The following SFT2D2 variants were observed in gnomAD, a reference collection of about 807,000 sequenced individuals.
The protein encoded by SFT2D2 is SFT2 domain containing 2.
In SFT2D2, 21 loss-of-function variants were observed where a neutral mutation model predicts 27.4. That is an observed-to-expected ratio of 0.77 (90% CI 0.54 to 1.10). The LOEUF (loss-of-function observed/expected upper bound fraction) is 1.10. Among genes scored for constraint, SFT2D2 ranks in the 50% least tolerant of loss-of-function variants. The pLI, the probability that SFT2D2 is intolerant of heterozygous loss-of-function variation, is 0.00. For synonymous variants in SFT2D2, 72 were observed against 71.7 expected, an observed-to-expected ratio of 1.00 and a Z score of -0.02; for missense variants, 187 against 194.2, an observed-to-expected ratio of 0.96 and a Z score of 0.22.
rs559231235 is a variant in SFT2D2 at position 168,243,417 on chromosome 1, C to G, written c.*877C>G. Reference sequence around the variant, plus strand: ...TTAAACTGATTTTATTTTCCATTCTCCCCTGGAGTTGGGCCAGGGGAGAGT... The same window carrying G: ...TTAAACTGATTTTATTTTCCATTCTGCCCTGGAGTTGGGCCAGGGGAGAGT... On this transcript the variant is annotated 3_prime_UTR_variant, in exon 8 of 8. Coordinates refer to ENST00000271375, the MANE Select transcript of SFT2D2 (RefSeq NM_199344.3). 1 of 152,062 alleles carries G rather than the reference C, an allele frequency of 6.6e-6. No individual in the cohort carries two copies. Among genetic ancestry groups the G allele is most frequent in the Admixed American group, 6.5e-5 (1 of 15,280 alleles). The allele number at this position is 152,062 out of a possible 1,614,324, so 9.4% of individuals were successfully genotyped here.
At chr1:168,229,961 T>G (rs745962366) in intron 1 of SFT2D2, among the ~76,000 whole-genome samples, 10 of 152,200 alleles carry the variant, frequency 6.6e-5, no homozygotes, top group Non-Finnish European at 1.2e-4. Flanking sequence ...ATCTTAACAC[T>G]GGGCCCCTGC....
rs889091750 is a variant in SFT2D2 at position 168,243,753 on chromosome 1, G to C, written c.*1213G>C. On this transcript the variant is annotated 3_prime_UTR_variant, in exon 8 of 8. Coordinates refer to ENST00000271375, the MANE Select transcript of SFT2D2 (RefSeq NM_199344.3). ...AGCTTCAGCCTCCTTCATGACCCCA[G>C]AGTTTCCTGGCCTGTTTCTGGTTGT... The C allele has an allele frequency of 6.5e-6, 1 of 152,850 alleles. No homozygotes were observed. Among genetic ancestry groups the C allele is most frequent in the Admixed American group, 6.5e-5 (1 of 15,284 alleles). 9.5% of individuals were successfully genotyped at this position (152,850 alleles called of 1,614,324 possible). A position where few individuals can be genotyped will look rare whatever the true frequency, so the allele number is the denominator to read the frequency against.
In SFT2D2 at chr1:168,247,094, T is replaced by C. The variant is rs1221263468; in HGVS notation, c.*4554T>C. ...ATTTCTTTTTTTTCAGATAGTCTCT[T>C]TTGTAGTACACTAGTCTTTTTCATT... On this transcript the variant is annotated 3_prime_UTR_variant, in exon 8 of 8. Transcript: ENST00000271375. The C allele has an allele frequency of 2.6e-6, 1 of 380,382 alleles. No homozygotes were observed. Among genetic ancestry groups the C allele is most frequent in the African/African-American group, 2.1e-5 (1 of 46,902 alleles). 23.6% of individuals were successfully genotyped at this position (380,382 alleles called of 1,614,324 possible). A position where few individuals can be genotyped will look rare whatever the true frequency, so the allele number is the denominator to read the frequency against.
At position 168,245,826 on chromosome 1, in the gene SFT2D2, G is replaced by A. The variant is rs1443091511; in HGVS notation, c.*3286G>A. On this transcript the variant is annotated 3_prime_UTR_variant, in exon 8 of 8. Transcript: ENST00000271375. ...CTTGAACTTCGCAGGATTTTCTGAAGCTGCTCAATTTGGCCATCTTGCTTT... is the reference window on the plus strand; with the variant it reads ...CTTGAACTTCGCAGGATTTTCTGAAACTGCTCAATTTGGCCATCTTGCTTT... 1 of 152,634 alleles carries A rather than the reference G, an allele frequency of 6.6e-6. No homozygotes were observed. The highest frequency in any genetic ancestry group is 1.5e-5 in the Non-Finnish European group (1 of 68,292). 9.5% of individuals were successfully genotyped at this position (152,634 alleles called of 1,614,324 possible). A position where few individuals can be genotyped will look rare whatever the true frequency, so the allele number is the denominator to read the frequency against.
chr1:168,234,915 C>T lies in SFT2D2; in HGVS notation c.237-186C>T, dbSNP rs140433300. Among the ~76,000 whole-genome samples the T allele has an allele frequency of 6.3e-3, 956 of 152,244 alleles. 7 individuals are homozygous for T. The highest frequency in any genetic ancestry group is 0.021 in the African/African-American group (854 of 41,538). ...TGTGGGCTTTGGTGTGGTAATTGTT[C>T]CTACTTTATAGGTTGGTTGTTGATG... On this transcript the variant is annotated intron_variant, in intron 3 of 7. Transcript: ENST00000271375.
intron 1 of SFT2D2, among the ~76,000 whole-genome samples, chr1:168,228,190 T>C (rs1012790940): frequency 3.3e-5 from 5 of 152,342 alleles, no homozygotes; most frequent in African/African-American, 1.2e-4. Flanking sequence ...TTGCAGGCTG[T>C]TTCAGCTTAG....
chr1:168,240,124 G>A (rs371184534), intron 7 of SFT2D2, among the ~76,000 whole-genome samples: 18 of 148,222 alleles, frequency 1.2e-4, no homozygotes, highest in Non-Finnish European at 1.5e-5. Context: ...GCAGTGAGTC[G>A]AGATGGCGCC....
At chr1:168,235,317 A>C (rs1037080459) in intron 4 of SFT2D2, 135 bp downstream of exon 4, 15 of 833,870 alleles carry the variant, frequency 1.8e-5, no homozygotes, top group Non-Finnish European at 2.8e-5. Context: ...TCCTATAACC[A>C]TGTGGCAGAA....
Position 168,246,809 on chromosome 1 carries a change from T to A in SFT2D2, c.*4269T>A. On this transcript the variant is annotated 3_prime_UTR_variant, in exon 8 of 8. Transcript: ENST00000271375. ...CAGTAAGCTGTCCACTATAATGGGC[T>A]ATCGTTTTTGTTGATTTTTCCCCAT... 1 of 673,488 alleles carries A rather than the reference T, an allele frequency of 1.5e-6. No individual in the cohort carries two copies. The highest frequency in any genetic ancestry group is 2.6e-6 in the Non-Finnish European group (1 of 383,654). The allele number at this position is 673,488 out of a possible 1,614,324, so 41.7% of individuals were successfully genotyped here.
intron 7 of SFT2D2, 125 bp downstream of exon 7, chr1:168,239,285 A>C (rs1250104676): frequency 1.2e-5 from 8 of 687,992 alleles, no homozygotes; most frequent in Non-Finnish European, 2.0e-5. Flanking sequence ...AATACTATAC[A>C]TCTCATTTAT....
At chr1:168,235,839 TGAA>T (rs988330849) in intron 4 of SFT2D2, among the ~76,000 whole-genome samples, 1 of 152,230 alleles carries the variant, frequency 6.6e-6, no homozygotes, top group African/African-American at 2.4e-5. Context: ...ATTTGGAACT[TGAA>T]GAACATACTT....
rs1228037168 is a variant in SFT2D2 at position 168,246,986 on chromosome 1, C to G, written c.*4446C>G. On this transcript the variant is annotated 3_prime_UTR_variant, in exon 8 of 8. Transcript: ENST00000271375. The stretch of plus-strand genomic sequence containing the variant: ...CTTGCATCAAATGGTTTTTATGCAA[C>G]AGGTCTTCTTCTTTTTCATGACTAT... 1 of 578,816 alleles carries G rather than the reference C, an allele frequency of 1.7e-6. No individual in the cohort carries two copies. Among genetic ancestry groups the G allele is most frequent in the Non-Finnish European group, 3.2e-6 (1 of 309,046 alleles). 35.9% of individuals were successfully genotyped at this position (578,816 alleles called of 1,614,324 possible).
At chr1:168,226,474 G>C (rs895001452) in intron 1 of SFT2D2, among the ~76,000 whole-genome samples, 1 of 152,172 alleles carries the variant, frequency 6.6e-6, no homozygotes, top group African/African-American at 2.4e-5. Flanking sequence ...CTTTAGGGCC[G>C]GGTAGGGCTG....
intron 6 of SFT2D2, among the ~76,000 whole-genome samples, chr1:168,237,936 A>G (rs536390235): frequency 1.3e-5 from 2 of 152,062 alleles, no homozygotes; most frequent in South Asian, 4.2e-4. Flanking sequence ...CCAGGGCAGA[A>G]ATTGGTACCT....
chr1:168,226,204 G>T, intron 1 of SFT2D2, 62 bp downstream of exon 1: 1 of 1,460,294 alleles, frequency 6.8e-7, no homozygotes, highest in Non-Finnish European at 9.2e-7. Flanking sequence ...TCCCCTGCCC[G>T]GGCCTGGGAA....
chr1:168,250,175 CAT>C lies in SFT2D2; in HGVS notation c.*7636_*7637del, dbSNP rs1647919019. ...GCTCAGACAGCTCCCATCAGGACAC[CAT>C]TGGCAGCTTTTGCATGACCCTGCCT... is the stretch of plus-strand genomic sequence containing the variant. On this transcript the variant is annotated 3_prime_UTR_variant, in exon 8 of 8. Transcript: ENST00000271375. The C allele has an allele frequency of 6.6e-6, 1 of 152,208 alleles. No individual in the cohort carries two copies. Among genetic ancestry groups the C allele is most frequent in the African/African-American group, 2.4e-5 (1 of 41,444 alleles). 9.4% of individuals were successfully genotyped at this position (152,208 alleles called of 1,614,324 possible).
intron 1 of SFT2D2, among the ~76,000 whole-genome samples, chr1:168,227,627 G>T (rs1030558654): frequency 4.6e-5 from 7 of 151,518 alleles, no homozygotes; most frequent in South Asian, 2.1e-4. Flanking sequence ...AATTTCACGG[G>T]TTTTTTTTTC....
At chr1:168,241,537 G>A (rs1647643725) in intron 7 of SFT2D2, among the ~76,000 whole-genome samples, 1 of 152,006 alleles carries the variant, frequency 6.6e-6, no homozygotes, top group South Asian at 2.1e-4. Context: ...TTTTCCCACA[G>A]TGTTCCACAG....
rs1159670852 is a variant in SFT2D2 at position 168,248,287 on chromosome 1, G to A, written c.*5747G>A. The stretch of plus-strand genomic sequence containing the variant: ...GGTATTGCCTAGGTTTTCTTCTAGG[G>A]TTTTTATGGTTTTGGGTCTTACGTT... On this transcript the variant is annotated 3_prime_UTR_variant, in exon 8 of 8. Coordinates refer to ENST00000271375, the MANE Select transcript of SFT2D2 (RefSeq NM_199344.3). The A allele has an allele frequency of 6.6e-6, 1 of 152,146 alleles. No homozygotes were observed. Among genetic ancestry groups the A allele is most frequent in the Non-Finnish European group, 1.5e-5 (1 of 68,028 alleles). 9.4% of individuals were successfully genotyped at this position (152,146 alleles called of 1,614,324 possible). A position where few individuals can be genotyped will look rare whatever the true frequency, so the allele number is the denominator to read the frequency against.
Sources: gnomAD v4.1 joint callset for allele counts (sites outside exome capture counted in the v4.1 genomes callset) on GRCh38, gnomAD v4.1.1 for gene constraint, MANE v1.5 for transcripts, NCBI Gene and HGNC (gene_info 2026-07-23, HGNC 2026-07-21) for gene names.